Variants in ZNF66 observed in about 807,000 individuals in gnomAD.
ZNF66 encodes the protein putative zinc finger protein 66.
ZNF66 carries 32 observed loss-of-function variants against 35.2 expected under a neutral mutation model. The ratio of observed to expected loss-of-function variants is 0.91; its 90% CI spans 0.69 to 1.22. The LOEUF is 1.22. ZNF66 is among the 50% of genes most tolerant of loss of function. The probability of loss-of-function intolerance (pLI) is 0.00; values close to 1 mark genes in which losing one functional copy is unlikely to be tolerated. For missense variants in ZNF66, 666 were observed against 543.1 expected, an observed-to-expected ratio of 1.23 and a Z score of -2.25; for synonymous variants, 231 against 181.3, an observed-to-expected ratio of 1.27 and a Z score of -2.20.
chr19:20,776,454 A>G lies in ZNF66; in HGVS notation c.3+4A>G. On this transcript the variant is annotated splice_donor_region_variant and intron_variant, in intron 1 of 3. Transcript: ENST00000344519. ...ACCCCCTGGAAGCCTAGAAATGGTG[A>G]GAGTGCCGGTCCAGCATCCCGAGAG... is the stretch of plus-strand genomic sequence containing the variant. The G allele has an allele frequency of 6.4e-7, 1 of 1,557,474 alleles. No homozygotes were observed. The highest frequency in any genetic ancestry group is 1.4e-5 in the African/African-American group (1 of 73,878).
At chr19:20,779,691 C>G (rs116995809) in intron 1 of ZNF66, among the ~76,000 whole-genome samples, 2,914 of 150,898 alleles carry the variant, frequency 0.019, 55 homozygotes, top group Middle Eastern at 0.1. Flanking sequence ...TACTGGAAGG[C>G]TGAGGTGGGC....
intron 3 of ZNF66, among the ~76,000 whole-genome samples, chr19:20,795,988 T>G (rs1971388444): frequency 6.6e-6 from 1 of 152,178 alleles, no homozygotes; most frequent in South Asian, 2.1e-4. Context: ...CTCTTCTGAA[T>G]AGAACACTTC....
chr19:20,795,432 A>G (rs934393262), intron 3 of ZNF66, among the ~76,000 whole-genome samples: 2 of 148,606 alleles, frequency 1.3e-5, no homozygotes, highest in African/African-American at 5.0e-5. Flanking sequence ...CAATGGTGCG[A>G]TCTCATCTCA....
chr19:20,776,836 C>T (rs1971199661), intron 1 of ZNF66, among the ~76,000 whole-genome samples: 1 of 152,044 alleles, frequency 6.6e-6, no homozygotes, highest in African/African-American at 2.4e-5. Flanking sequence ...TGTATGGGGC[C>T]GGGCGCGGTC....
intron 1 of ZNF66, among the ~76,000 whole-genome samples, chr19:20,778,160 G>A (rs530373101): frequency 6.6e-6 from 1 of 152,174 alleles, no homozygotes; most frequent in East Asian, 1.9e-4. Context: ...GAGTGCAGTG[G>A]CGTGATCTCG....
chr19:20,796,047 A>G (rs1300869464), intron 3 of ZNF66, among the ~76,000 whole-genome samples: 2 of 152,000 alleles, frequency 1.3e-5, no homozygotes, highest in Non-Finnish European at 2.9e-5. Flanking sequence ...CTGGATCTCA[A>G]ATCTCTCTTA....
chr19:20,785,752 T>C (rs1467468978), intron 1 of ZNF66, among the ~76,000 whole-genome samples: 1 of 149,040 alleles, frequency 6.7e-6, no homozygotes, highest in Admixed American at 6.6e-5. Flanking sequence ...TCTTTTTCTG[T>C]TTTTGTTTGT....
rs1971539564 is a variant in ZNF66, at chr19:20,807,861, G to A, written c.*539G>A. On this transcript the variant is annotated 3_prime_UTR_variant, in exon 4 of 4. Transcript: ENST00000344519. ...CACTAGGGAGTGCCAGACAGTGGCTGCAGGACAGTGGGTGCAGTGCACTGT... is the reference window on the plus strand; with the variant it reads ...CACTAGGGAGTGCCAGACAGTGGCTACAGGACAGTGGGTGCAGTGCACTGT... Among the ~76,000 whole-genome samples the A allele has an allele frequency of 6.6e-6, 1 of 152,200 alleles. No homozygotes were observed.
chr19:20,793,484 C>G (rs2081888), intron 2 of ZNF66, among the ~76,000 whole-genome samples: 118,720 of 151,476 alleles, frequency 0.78, 46,792 homozygotes, highest in Non-Finnish European at 0.83. Context: ...CACTATGCTC[C>G]GCTAATTTTT....
At chr19:20,802,506 ATAT>A in intron 3 of ZNF66, among the ~76,000 whole-genome samples, 1 of 146,962 alleles carries the variant, frequency 6.8e-6, no homozygotes, top group Middle Eastern at 3.2e-3. Flanking sequence ...TCAATTATTT[ATAT>A]TATTGTTTTA....
In ZNF66 at chr19:20,797,383, T is replaced by C. The variant is rs1187045043; in HGVS notation, c.226+3505T>C. 2.1e-5 allele frequency among the ~76,000 whole-genome samples: 3 copies of C among 139,846 alleles called. 1 individual carries two copies. Among genetic ancestry groups the C allele is most frequent in the Admixed American group, 2.1e-4 (3 of 14,178 alleles). 91.7% of individuals were successfully genotyped at this position (139,846 alleles called of 152,430 possible). ...CACCTCGCCCGGCTAATTTTTTGTA[T>C]TTTTAGTAGAGACGGGGTTTCACCG... On this transcript the variant is annotated intron_variant, in intron 3 of 3. Coordinates refer to ENST00000344519, the MANE Select transcript of ZNF66 (RefSeq NM_001355197.2).
At chr19:20,796,330 T>G (rs1030586921) in intron 3 of ZNF66, among the ~76,000 whole-genome samples, 19 of 152,210 alleles carry the variant, frequency 1.2e-4, no homozygotes, top group Non-Finnish European at 2.5e-4. Flanking sequence ...TCTTTCAGAT[T>G]TGTCTGTAAA....
At chr19:20,798,084 T>A (rs545971097) in intron 3 of ZNF66, among the ~76,000 whole-genome samples, 1 of 152,300 alleles carries the variant, frequency 6.6e-6, no homozygotes, top group East Asian at 1.9e-4. Flanking sequence ...TAGCTTATTT[T>A]CCATGGTAGT....
In ZNF66 at chr19:20,809,509, G is replaced by T. The variant is rs1260001958; in HGVS notation, c.*2187G>T. Reference sequence around the variant, plus strand: ...GGCAGAAACTCTATAAGCCAGAAGAGAGTGGGGGCCAATATTCAACATTCT... The same window carrying T: ...GGCAGAAACTCTATAAGCCAGAAGATAGTGGGGGCCAATATTCAACATTCT... On this transcript the variant is annotated 3_prime_UTR_variant, in exon 4 of 4. Coordinates refer to ENST00000344519, the MANE Select transcript of ZNF66 (RefSeq NM_001355197.2). Among the ~76,000 whole-genome samples, 1 of 152,160 alleles carries T rather than the reference G, an allele frequency of 6.6e-6. No homozygotes were observed. Among genetic ancestry groups the T allele is most frequent in the South Asian group, 2.1e-4 (1 of 4,820 alleles).
chr19:20,781,502 C>A (rs113197149), intron 1 of ZNF66, among the ~76,000 whole-genome samples: 101 of 149,184 alleles, frequency 6.8e-4, no homozygotes, highest in African/African-American at 2.4e-3. Flanking sequence ...TCTGTTTCTG[C>A]ATTATTTTAT....
rs1971532842 is a variant in ZNF66 at position 20,807,410 on chromosome 19, GCTATCAA to G, written c.*91_*97del. 2 of 552,726 alleles carry G rather than the reference GCTATCAA, an allele frequency of 3.6e-6. No homozygotes were observed. The highest frequency in any genetic ancestry group is 5.9e-5 in the South Asian group (2 of 33,980). 34.2% of individuals were successfully genotyped at this position (552,726 alleles called of 1,614,324 possible). A position where few individuals can be genotyped will look rare whatever the true frequency, so the allele number is the denominator to read the frequency against. ...ATGAATGTGGGAAAGACTTTAACCA[GCTATCAA>G]CTTTTACTAAATATGAGAATTTATG... On this transcript the variant is annotated 3_prime_UTR_variant, in exon 4 of 4. Coordinates refer to ENST00000344519, the MANE Select transcript of ZNF66 (RefSeq NM_001355197.2).
At chr19:20,793,722 T>C in intron 2 of ZNF66, 61 bp from the exon 3 acceptor site, 1 of 625,158 alleles carries the variant, frequency 1.6e-6, no homozygotes, top group Non-Finnish European at 2.6e-6. Context: ...CCTGAGCACA[T>C]TACTAGCTTG....
Position 20,806,905 on chromosome 19 carries a change from T to G in ZNF66, c.1305T>G (p.Ser435Arg), listed in dbSNP as rs1241955700. 1 of 1,268,846 alleles carries G rather than the reference T, an allele frequency of 7.9e-7. No individual in the cohort carries two copies. The highest frequency in any genetic ancestry group is 1.1e-6 in the Non-Finnish European group (1 of 869,832). 78.6% of individuals were successfully genotyped at this position (1,268,846 alleles called of 1,614,324 possible). ...GTGAAGAATGTGGCAAAGCCTTCAG[T>G]CGGTCCTCTATTCTTACTACACATA... Reference protein sequence around the residue: ...YKCEECGKAFSRSSILTTHKI... With the variant: ...YKCEECGKAFRRSSILTTHKI... Residue 435 changes from serine to arginine, a missense_variant, in exon 4 of 4, where the codon AGT becomes AGG. Ser to Arg is a moderately radical substitution (Grantham distance 110, BLOSUM62 -1). Transcript: ENST00000344519.
Position 20,806,872 on chromosome 19 carries a change from C to T in ZNF66, c.1272C>T (p.Pro424=), listed in dbSNP as rs558011260. 1 of 1,349,946 alleles carries T rather than the reference C, an allele frequency of 7.4e-7. No individual in the cohort carries two copies. The highest frequency in any genetic ancestry group is 1.4e-5 in the African/African-American group (1 of 69,778). The allele number at this position is 1,349,946 out of a possible 1,614,324, so 83.6% of individuals were successfully genotyped here. Reference sequence around the variant, plus strand: ...AGAGAATTCATACTGGAGAGAAACCCTACAAATGTGAAGAATGTGGCAAAG... The same window carrying T: ...AGAGAATTCATACTGGAGAGAAACCTTACAAATGTGAAGAATGTGGCAAAG... ...KHKRIHTGEK[P]YKCEECGKAF... Residue 424 remains proline, a synonymous_variant, in exon 4 of 4, where the codon CCC becomes CCT. Transcript: ENST00000344519.
Sources: gnomAD v4.1 joint callset for allele counts (sites outside exome capture counted in the v4.1 genomes callset) on GRCh38, gnomAD v4.1.1 for gene constraint, MANE v1.5 for transcripts, NCBI Gene and HGNC (gene_info 2026-07-23, HGNC 2026-07-21) for gene names.